The following CDC42BPA variants were observed in gnomAD, a reference collection of about 807,000 sequenced individuals.
CDC42BPA encodes the protein serine/threonine-protein kinase MRCK alpha.
CDC42BPA carries 80 observed loss-of-function variants against 223.5 expected under a neutral mutation model. The observed-to-expected ratio is 0.36, with a 90% CI of 0.30 to 0.43. CDC42BPA has a LOEUF of 0.43. CDC42BPA is among the 20% of genes least tolerant of loss of function. The probability of loss-of-function intolerance (pLI) is 1.00; values close to 1 mark genes in which losing one functional copy is unlikely to be tolerated. For missense variants in CDC42BPA, 1,743 were observed against 2,099.9 expected (o/e 0.83, Z 3.32); for synonymous variants, 694 against 718.6 (o/e 0.97, Z 0.55).
intron 2 of CDC42BPA, among the ~76,000 whole-genome samples, chr1:227,231,198 GTTGT>G (rs1428507573): frequency 5.6e-4 from 73 of 131,492 alleles, no homozygotes; most frequent in African/African-American, 1.8e-3. Context: ...AAGCGTTCTC[GTTGT>G]TTAATTCCCA....
chr1:227,007,843 T>C (rs1471489752), intron 34 of CDC42BPA, among the ~76,000 whole-genome samples: 1 of 152,206 alleles, frequency 6.6e-6, no homozygotes, highest in African/African-American at 2.4e-5. Flanking sequence ...TTTTACAAGT[T>C]TCAGCAAGAG....
intron 1 of CDC42BPA, among the ~76,000 whole-genome samples, chr1:227,271,273 GC>G (rs1685912274): frequency 2.0e-5 from 3 of 152,260 alleles, no homozygotes; most frequent in Non-Finnish European, 4.4e-5. Context: ...TAATGACACA[GC>G]TAAAGAAAGT....
intron 1 of CDC42BPA, among the ~76,000 whole-genome samples, chr1:227,286,639 T>C (rs995135923): frequency 6.6e-6 from 1 of 152,160 alleles, no homozygotes; most frequent in Non-Finnish European, 1.5e-5. Flanking sequence ...ATAGCAACAT[T>C]CCACTCCCGG....
Position 227,318,184 on chromosome 1 carries a change from CA to C in CDC42BPA, c.-1003del, listed in dbSNP as rs1319434085. ...GGTGCTTCTCTGAATTCAAAGGACACAAGCAGCAGCAGCTGCGGCGGCGGCG... is the reference window on the plus strand; with the variant it reads ...GGTGCTTCTCTGAATTCAAAGGACACAGCAGCAGCAGCTGCGGCGGCGGCG... On this transcript the variant is annotated 5_prime_UTR_variant, in exon 1 of 37. An upstream open reading frame in the 5' UTR loses its in-frame stop. Coordinates refer to ENST00000366766, the MANE Select transcript of CDC42BPA (RefSeq NM_001394014.1). The C allele has an allele frequency of 6.4e-6, 1 of 156,982 alleles. No homozygotes were observed. The highest frequency in any genetic ancestry group is 1.4e-5 in the Non-Finnish European group (1 of 71,980). 9.7% of individuals were successfully genotyped at this position (156,982 alleles called of 1,614,324 possible).
At chr1:227,163,186 G>A (rs1291678278) in intron 5 of CDC42BPA, among the ~76,000 whole-genome samples, 1 of 151,902 alleles carries the variant, frequency 6.6e-6, no homozygotes, top group Non-Finnish European at 1.5e-5. Context: ...AAACATATGT[G>A]TGTATGTTTC....
chr1:227,109,773 T>A (rs1686601423), intron 14 of CDC42BPA, among the ~76,000 whole-genome samples: 6 of 151,536 alleles, frequency 4.0e-5, no homozygotes, highest in Admixed American at 4.0e-4. Context: ...ACACACACAT[T>A]AATATAGGGT....
rs770063820 is a variant in CDC42BPA, at chr1:227,213,228, G to A, written c.271-9C>T. The A allele has an allele frequency of 2.2e-5, 30 of 1,340,402 alleles. No individual in the cohort carries two copies. Among genetic ancestry groups the A allele is most frequent in the Admixed American group, 1.2e-4 (6 of 48,128 alleles). The allele number at this position is 1,340,402 out of a possible 1,614,324, so 83.0% of individuals were successfully genotyped here. The stretch of plus-strand genomic sequence containing the variant: ...AGTTTTACTACAGCAACCTAGAAAA[G>A]ATAAAGGAAATATAAATTTTAAAAT... On this transcript the variant is annotated splice_polypyrimidine_tract_variant and intron_variant, in intron 2 of 36. Coordinates refer to ENST00000366766, the MANE Select transcript of CDC42BPA (RefSeq NM_001394014.1).
chr1:227,211,557 T>C, intron 3 of CDC42BPA, among the ~76,000 whole-genome samples: 2 of 152,298 alleles, frequency 1.3e-5, no homozygotes. Context: ...TATATGTATG[T>C]ATGTATGTAT....
At chr1:227,182,704 G>A (rs1156776189) in intron 5 of CDC42BPA, among the ~76,000 whole-genome samples, 1 of 152,148 alleles carries the variant, frequency 6.6e-6, no homozygotes, top group African/African-American at 2.4e-5. Flanking sequence ...TAATTGGCTG[G>A]TAAAGTATTG....
chr1:227,096,499 C>T (rs904751484), intron 15 of CDC42BPA, among the ~76,000 whole-genome samples: 2 of 152,202 alleles, frequency 1.3e-5, no homozygotes, highest in Non-Finnish European at 2.9e-5. Flanking sequence ...CTCCACCACA[C>T]CAAAATCTGG....
chr1:227,224,942 T>C (rs1676587033), intron 2 of CDC42BPA, among the ~76,000 whole-genome samples: 1 of 152,178 alleles, frequency 6.6e-6, no homozygotes, highest in Non-Finnish European at 1.5e-5. Flanking sequence ...CTAGACACTG[T>C]TGTAGGTACT....
intron 3 of CDC42BPA, among the ~76,000 whole-genome samples, chr1:227,208,338 G>A (rs1340475179): frequency 4.9e-5 from 7 of 142,162 alleles, no homozygotes; most frequent in South Asian, 2.4e-4. Context: ...TTCTTTTGCT[G>A]TGCAGAAGCT....
intron 1 of CDC42BPA, among the ~76,000 whole-genome samples, chr1:227,255,379 C>T (rs760721879): frequency 4.6e-5 from 7 of 152,152 alleles, no homozygotes; most frequent in Non-Finnish European, 8.8e-5. Context: ...GCTTCGAAAA[C>T]GGGTATTCCA....
At chr1:227,242,386 A>G (rs1680175490) in intron 2 of CDC42BPA, among the ~76,000 whole-genome samples, 2 of 152,086 alleles carry the variant, frequency 1.3e-5, no homozygotes, top group Non-Finnish European at 2.9e-5. Flanking sequence ...ACTTAAATTC[A>G]ACATTTTATT....
intron 1 of CDC42BPA, among the ~76,000 whole-genome samples, chr1:227,307,251 G>A (rs1024515906): frequency 1.3e-5 from 2 of 152,092 alleles, no homozygotes; most frequent in African/African-American, 4.8e-5. Flanking sequence ...ACTTAATATT[G>A]CTTAGATGAC....
chr1:227,147,594 T>C lies in CDC42BPA; in HGVS notation c.694-35A>G, dbSNP rs774066757. On this transcript the variant is annotated intron_variant, in intron 6 of 36. Transcript: ENST00000366766. ...TTTACATTTTTATTAATCTCCTATA[T>C]TAGAAATAAAATATTTTAAATAGTT... is the stretch of plus-strand genomic sequence containing the variant. 3.3e-6 allele frequency: 4 copies of C among 1,209,602 alleles called. No individual in the cohort carries two copies. In the South Asian group the frequency reaches 6.2e-5, roughly 19 times the overall value. The allele number at this position is 1,209,602 out of a possible 1,614,324, so 74.9% of individuals were successfully genotyped here.
chr1:227,163,045 CAT>C (rs36153791), intron 5 of CDC42BPA, among the ~76,000 whole-genome samples: 16,683 of 104,932 alleles, frequency 0.16, 1,218 homozygotes, highest in South Asian at 0.26. Context: ...TGTTTCCAAA[CAT>C]ATGTGTATGT....
chr1:227,215,387 G>T (rs2150384898), intron 2 of CDC42BPA, among the ~76,000 whole-genome samples: 1 of 152,264 alleles, frequency 6.6e-6, no homozygotes, highest in East Asian at 1.9e-4. Flanking sequence ...CAATACTTCA[G>T]TGTCCTTGTC....
intron 11 of CDC42BPA, among the ~76,000 whole-genome samples, chr1:227,125,295 G>A (rs1689364239): frequency 6.6e-6 from 1 of 151,846 alleles, no homozygotes; most frequent in South Asian, 2.1e-4. Context: ...ATAATGAGAT[G>A]CTCAAACACA....
Sources: allele counts gnomAD v4.1 joint callset (sites outside exome capture counted in the v4.1 genomes callset), GRCh38; gene constraint gnomAD v4.1.1; transcripts MANE v1.5; gene names NCBI Gene and HGNC (gene_info 2026-07-23, HGNC 2026-07-21).